LRIG2: variants seen among roughly 807,000 people sequenced by gnomAD.
The protein encoded by LRIG2 is leucine-rich repeats and immunoglobulin-like domains protein 2.
A neutral mutation model predicts 107.8 loss-of-function variants in LRIG2; 93 were observed. The ratio of observed to expected loss-of-function variants is 0.86; its 90% CI spans 0.73 to 1.03. LRIG2 has a LOEUF of 1.03. Ranked by LOEUF, LRIG2 falls within the 50% of genes least tolerant of loss-of-function variation. LRIG2 has a pLI of 0.00. For synonymous variants in LRIG2, 471 were observed against 470.6 expected, an observed-to-expected ratio of 1.00 and a Z score of -0.01; for missense variants, 1,226 against 1,296.0, an observed-to-expected ratio of 0.95 and a Z score of 0.83.
intron 11 of LRIG2, among the ~76,000 whole-genome samples, chr1:113,105,968 G>A (rs1557911459): frequency 6.6e-6 from 1 of 152,078 alleles, no homozygotes; most frequent in Non-Finnish European, 1.5e-5. Flanking sequence ...GGTGGCTCAC[G>A]CCTGTAATCC....
chr1:113,110,920 TG>T (rs1654747928), intron 13 of LRIG2, among the ~76,000 whole-genome samples: 1 of 152,190 alleles, frequency 6.6e-6, no homozygotes, highest in Admixed American at 6.6e-5. Flanking sequence ...TTCTAATAAC[TG>T]GGAATATTTA....
intron 11 of LRIG2, 72 bp from the exon 12 acceptor site, chr1:113,107,522 A>G (rs1654588762): frequency 5.8e-6 from 8 of 1,376,404 alleles, no homozygotes; most frequent in Non-Finnish European, 7.0e-6. Flanking sequence ...GTGTGTGGTA[A>G]GGTTTTAATA....
chr1:113,113,317 T>G (rs1654851589), intron 14 of LRIG2, among the ~76,000 whole-genome samples: 1 of 151,834 alleles, frequency 6.6e-6, no homozygotes, highest in Admixed American at 6.5e-5. Context: ...TCCTAAAAAT[T>G]TTCCCCTGCT....
intron 8 of LRIG2, among the ~76,000 whole-genome samples, chr1:113,096,582 G>T (rs1654078281): frequency 6.6e-6 from 1 of 152,172 alleles, no homozygotes; most frequent in African/African-American, 2.4e-5. Context: ...TTAATTCTGA[G>T]TTAATCCCAT....
chr1:113,078,275 G>A lies in LRIG2; in HGVS notation c.239+4630G>A, dbSNP rs7537995. On this transcript the variant is annotated intron_variant, in intron 1 of 17. Coordinates refer to ENST00000361127, the MANE Select transcript of LRIG2 (RefSeq NM_014813.3). Reference sequence around the variant, plus strand: ...TTTTTTTCAGATGGAGTCTTGCTGTGTTGCCCAGGCTGGAGTGTAGTGGTG... The same window carrying A: ...TTTTTTTCAGATGGAGTCTTGCTGTATTGCCCAGGCTGGAGTGTAGTGGTG... Among the ~76,000 whole-genome samples, 391 of 150,798 alleles carry A rather than the reference G, an allele frequency of 2.6e-3. 3 individuals carry two copies. Among genetic ancestry groups the A allele is most frequent in the African/African-American group, 9.0e-3 (369 of 41,012 alleles).
At chr1:113,080,697 A>G (rs376293513) in intron 1 of LRIG2, among the ~76,000 whole-genome samples, 1 of 151,936 alleles carries the variant, frequency 6.6e-6, no homozygotes, top group Non-Finnish European at 1.5e-5. Context: ...TCTTTTAACT[A>G]TCTTACTATA....
chr1:113,090,547 A>G (rs1459709856), intron 1 of LRIG2, among the ~76,000 whole-genome samples: 1 of 152,010 alleles, frequency 6.6e-6, no homozygotes, highest in Admixed American at 6.6e-5. Context: ...TTATTAAAAA[A>G]ATTTTTTTGG....
rs1389600520 is a variant in LRIG2 at position 113,125,359 on chromosome 1, CAT to C, written c.*1260_*1261del. 1 of 152,126 alleles carries C rather than the reference CAT, an allele frequency of 6.6e-6. No individual in the cohort carries two copies. The highest frequency in any genetic ancestry group is 1.5e-5 in the Non-Finnish European group (1 of 68,012). 9.4% of individuals were successfully genotyped at this position (152,126 alleles called of 1,614,324 possible). On this transcript the variant is annotated 3_prime_UTR_variant, in exon 18 of 18. Coordinates refer to ENST00000361127, the MANE Select transcript of LRIG2 (RefSeq NM_014813.3). ...GTGCTAGGTGATACTCCCTTTCTAA[CAT>C]AAAAAGCTTGTTCTTTCAGAGCCTG...
chr1:113,091,571 G>C (rs991362404), intron 2 of LRIG2, among the ~76,000 whole-genome samples, 188 bp downstream of exon 2: 20 of 152,336 alleles, frequency 1.3e-4, no homozygotes, highest in Admixed American at 8.5e-4. Context: ...TTGGCATTGG[G>C]TTGGTGATTT....
intron 1 of LRIG2, among the ~76,000 whole-genome samples, chr1:113,077,420 G>A (rs1653031680): frequency 6.6e-6 from 1 of 152,170 alleles, no homozygotes; most frequent in Non-Finnish European, 1.5e-5. Flanking sequence ...AGGATTACAG[G>A]CATTAGCCAC....
At position 113,124,227 on chromosome 1, in the gene LRIG2, G is replaced by A. The variant is rs759016056; in HGVS notation, c.*126G>A. ...TCTTTCTTTATGATTGCATCTGACC[G>A]CACCAAGGTGGGCCATGCGTTGTTT... On this transcript the variant is annotated 3_prime_UTR_variant, in exon 18 of 18. Coordinates refer to ENST00000361127, the MANE Select transcript of LRIG2 (RefSeq NM_014813.3). 3.7e-6 allele frequency: 3 copies of A among 804,008 alleles called. No homozygotes were observed. Among genetic ancestry groups the A allele is most frequent in the South Asian group, 1.7e-5 (1 of 57,384 alleles). The allele number at this position is 804,008 out of a possible 1,614,324, so 49.8% of individuals were successfully genotyped here.
intron 1 of LRIG2, among the ~76,000 whole-genome samples, chr1:113,081,772 C>A (rs1353720880): frequency 1.3e-5 from 2 of 152,210 alleles, no homozygotes; most frequent in Non-Finnish European, 2.9e-5. Flanking sequence ...CCGCCCACCT[C>A]AGCCTCCCTA....
intron 1 of LRIG2, among the ~76,000 whole-genome samples, chr1:113,086,405 A>G (rs1391537610): frequency 1.3e-5 from 2 of 152,220 alleles, no homozygotes; most frequent in African/African-American, 4.8e-5. Context: ...TAAATGAAGC[A>G]CTGTCATACC....
At position 113,109,065 on chromosome 1, in the gene LRIG2, C is replaced by T. The variant is rs140907446; in HGVS notation, c.1478-1177C>T. Among the ~76,000 whole-genome samples, 453 of 152,218 alleles carry T rather than the reference C, an allele frequency of 3.0e-3. 3 individuals carry two copies. Among genetic ancestry groups the T allele is most frequent in the African/African-American group, 8.4e-3 (351 of 41,544 alleles). On this transcript the variant is annotated intron_variant, in intron 12 of 17. Transcript: ENST00000361127. Reference sequence around the variant, plus strand: ...GGAACAGAACACACACTTGGAAGTTCGGGCTCACAAAATACATCCATTGTT... The same window carrying T: ...GGAACAGAACACACACTTGGAAGTTTGGGCTCACAAAATACATCCATTGTT...
At chr1:113,120,342 C>T (rs1047692457) in intron 17 of LRIG2, among the ~76,000 whole-genome samples, 1 of 151,500 alleles carries the variant, frequency 6.6e-6, no homozygotes, top group African/African-American at 2.4e-5. Context: ...CCCACCTACT[C>T]GGGAAGCTGA....
chr1:113,119,428 G>A lies in LRIG2; in HGVS notation c.2876G>A (p.Ser959Asn), dbSNP rs1156449314. The A allele has an allele frequency of 6.2e-7, 1 of 1,614,108 alleles. No individual in the cohort carries two copies. Among genetic ancestry groups the A allele is most frequent in the Admixed American group, 1.7e-5 (1 of 59,994 alleles). Residue 959 changes from serine to asparagine, a missense_variant, in exon 17 of 18, where the codon AGC becomes AAC. Ser to Asn is a conservative substitution (Grantham distance 46). Transcript: ENST00000361127. Reference protein sequence around the residue: ...HPPQDTTALESLIPSANREPS... With the variant: ...HPPQDTTALENLIPSANREPS... ...CCCCAGGATACTACTGCCCTAGAGA[G>A]CCTGATACCGTCAGCCAACAGAGAG...
intron 17 of LRIG2, among the ~76,000 whole-genome samples, chr1:113,120,374 C>T (rs1355983500): frequency 6.6e-6 from 1 of 151,732 alleles, no homozygotes; most frequent in East Asian, 2.0e-4. Flanking sequence ...CACTTAAGCT[C>T]GAGATGGAGG....
chr1:113,122,075 CTT>C (rs758568453), intron 17 of LRIG2, among the ~76,000 whole-genome samples: 3 of 87,052 alleles, frequency 3.4e-5, no homozygotes, highest in Non-Finnish European at 2.0e-5. Context: ...TTAGGCTCAC[CTT>C]TTTTTTTTTT....
intron 1 of LRIG2, among the ~76,000 whole-genome samples, chr1:113,086,000 G>GT (rs34131524): frequency 0.029 from 1,902 of 64,766 alleles, 37 homozygotes; most frequent in African/African-American, 0.056. Context: ...TAACCCTGAG[G>GT]TTTTTTTTTT....
Sources: gnomAD v4.1 joint callset for allele counts (sites outside exome capture counted in the v4.1 genomes callset) on GRCh38, gnomAD v4.1.1 for gene constraint, MANE v1.5 for transcripts, NCBI Gene and HGNC (gene_info 2026-07-23, HGNC 2026-07-21) for gene names.